Variants in PAX6 observed in about 807,000 individuals in gnomAD.
PAX6 encodes paired box 6.
PAX6 carries 7 observed loss-of-function variants against 60.7 expected under a neutral mutation model. The ratio of observed to expected loss-of-function variants is 0.12; its 90% CI spans 0.07 to 0.22. PAX6 has a LOEUF of 0.22. Among genes scored for constraint, PAX6 ranks in the 10% least tolerant of loss-of-function variants. The pLI, the probability that PAX6 is intolerant of heterozygous loss-of-function variation, is 1.00. For missense variants in PAX6, 355 were observed against 555.2 expected, an observed-to-expected ratio of 0.64 and a Z score of 3.62; for synonymous variants, 208 against 201.2, an observed-to-expected ratio of 1.03 and a Z score of -0.29.
chr11:31,790,660 C>G (rs1407443114), intron 13 of PAX6, 50 bp downstream of exon 13: 2 of 1,612,582 alleles, frequency 1.2e-6, no homozygotes, highest in Non-Finnish European at 1.7e-6. Context: ...GGGTAAACTT[C>G]TAGTGAAGAG....
intron 7 of PAX6, 129 bp from the exon 8 acceptor site, chr11:31,800,985 G>T (rs541644801): frequency 3.1e-5 from 30 of 976,238 alleles, no homozygotes; most frequent in Non-Finnish European, 4.6e-5. Flanking sequence ...CCCCGGGACA[G>T]TGGGTGGATT....
upstream of PAX6, chr11:31,813,158 G>A (rs1957204046): frequency 6.6e-6 from 1 of 152,142 alleles, no homozygotes; most frequent in Admixed American, 6.5e-5. Context: ...CTGGGTCAGA[G>A]GTGAAGGAGG....
chr11:31,799,754 G>C (rs1206558951), intron 8 of PAX6, among the ~76,000 whole-genome samples: 2 of 152,148 alleles, frequency 1.3e-5, no homozygotes, highest in African/African-American at 4.8e-5. Context: ...CCCGCGCGCC[G>C]CCCCTGGCCC....
chr11:31,801,604 C>A lies in PAX6; in HGVS notation c.356G>T (p.Arg119Ile), dbSNP rs746448834. ...PSIFAWEIRD[R>I]LLSEGVCTND... ...GGTACAGACCCCCTCGGACAGTAATCTGTCTCGGATTTCCCAAGCAAAGAT... is the reference window on the plus strand; with the variant it reads ...GGTACAGACCCCCTCGGACAGTAATATGTCTCGGATTTCCCAAGCAAAGAT... The change falls in exon 7 of 14, where the codon AGA becomes ATA. Residue 119 changes from arginine to isoleucine, a missense_variant. Transcript: ENST00000640368. 6.2e-7 allele frequency: 1 copy of A among 1,614,122 alleles called. No homozygotes were observed. Among genetic ancestry groups the A allele is most frequent in the South Asian group, 1.1e-5 (1 of 91,076 alleles).
intron 8 of PAX6, among the ~76,000 whole-genome samples, chr11:31,797,374 T>TTC (rs150040461): frequency 0.027 from 4,079 of 152,246 alleles, 163 homozygotes; most frequent in African/African-American, 0.093. Flanking sequence ...CTTATCCATG[T>TTC]TCTGTCTCAC....
chr11:31,795,960 G>C (rs1476901693), intron 8 of PAX6, among the ~76,000 whole-genome samples: 3 of 152,258 alleles, frequency 2.0e-5, no homozygotes, highest in African/African-American at 7.2e-5. Flanking sequence ...CCCTAGGAGC[G>C]CCTTGGTGGG....
upstream of PAX6, chr11:31,816,302 C>A (rs1957370872): frequency 4.3e-6 from 2 of 466,536 alleles, no homozygotes; most frequent in Admixed American, 3.8e-5. Context: ...CATCCAAATT[C>A]TATGAGAGGG....
intron 13 of PAX6, chr11:31,790,281 G>C: frequency 1.8e-6 from 1 of 555,066 alleles, no homozygotes; most frequent in Non-Finnish European, 2.8e-6. Flanking sequence ...TCCTCTGTTT[G>C]TTTGCATGTT....
chr11:31,814,224 G>C (rs1421964293), upstream of PAX6: 2 of 152,286 alleles, frequency 1.3e-5, no homozygotes, highest in Non-Finnish European at 2.9e-5. Context: ...ACCCGGTAGC[G>C]GGGCTGTCTG....
At position 31,802,853 on chromosome 11, in the gene PAX6, G is replaced by A. The variant is rs1171390064; in HGVS notation, c.11-19C>T. ...CTGTGACCTGAGGAAAGGGAGAGGA[G>A]AGGAAAGGGGAAAAGAAGAGAAGAG... is the stretch of plus-strand genomic sequence containing the variant. On this transcript the variant is annotated intron_variant, in intron 4 of 13. Transcript: ENST00000640368. 8 of 1,612,564 alleles carry A rather than the reference G, an allele frequency of 5.0e-6. No homozygotes were observed. The African/African-American group carries it at 9.4e-5, about 19-fold the overall frequency.
intron 5 of PAX6, chr11:31,802,358 T>A (rs1954282165): frequency 3.1e-6 from 1 of 326,062 alleles, no homozygotes; most frequent in East Asian, 6.8e-5. Flanking sequence ...AATGAAATTA[T>A]GCCGGTTTAT....
upstream of PAX6, chr11:31,814,181 G>T (rs1957263826): frequency 1.3e-5 from 2 of 152,172 alleles, no homozygotes; most frequent in South Asian, 4.1e-4. Flanking sequence ...AGGCCGGCGG[G>T]TGCGTTCCCG....
intron 2 of PAX6, chr11:31,810,162 T>A (rs1956747929): frequency 6.6e-6 from 1 of 152,378 alleles, no homozygotes; most frequent in Non-Finnish European, 1.5e-5. Context: ...CTCTTCCCTC[T>A]ACCTCCAGCG....
intron 4 of PAX6, 109 bp from the exon 5 acceptor site, chr11:31,802,943 A>G: frequency 9.3e-7 from 1 of 1,078,300 alleles, no homozygotes; most frequent in Non-Finnish European, 1.4e-6. Flanking sequence ...CAAGAACAGA[A>G]AGGAGAGGAG....
chr11:31,793,218 T>G, intron 12 of PAX6: 1 of 690,438 alleles, frequency 1.4e-6, no homozygotes. Context: ...CTGACAAAAC[T>G]GGACAGATTT....
intron 9 of PAX6, 85 bp downstream of exon 9, chr11:31,794,545 G>A: frequency 1.5e-6 from 2 of 1,344,766 alleles, no homozygotes; most frequent in Non-Finnish European, 2.1e-6. Context: ...CTATGCAAAG[G>A]GCCCTGGCTA....
intron 8 of PAX6, among the ~76,000 whole-genome samples, chr11:31,800,043 G>A (rs1226076767): frequency 6.7e-6 from 1 of 150,076 alleles, no homozygotes; most frequent in Non-Finnish European, 1.5e-5. Context: ...AGACCAGAGC[G>A]GCTCCCGGCA....
At chr11:31,792,508 T>C (rs1950242363) in intron 12 of PAX6, 1 of 152,276 alleles carries the variant, frequency 6.6e-6, no homozygotes, top group Non-Finnish European at 1.5e-5. Context: ...CAGAACTGTT[T>C]CCAGCAGAGG....
At position 31,810,955 on chromosome 11, in the gene PAX6, C is replaced by T; in HGVS notation, c.-256G>A. On this transcript the variant is annotated 5_prime_UTR_variant, in exon 2 of 14. Coordinates refer to ENST00000640368, the MANE Select transcript of PAX6 (RefSeq NM_001368894.2). ...AAATGACGGTGTTTTAAAGGAGTTG[C>T]TGGTGAGAGTTTTCTCCACGGATGT... 1 of 399,226 alleles carries T rather than the reference C, an allele frequency of 2.5e-6. No individual in the cohort carries two copies. The highest frequency in any genetic ancestry group is 4.4e-6 in the Non-Finnish European group (1 of 226,120). 24.7% of individuals were successfully genotyped at this position (399,226 alleles called of 1,614,324 possible).
Sources: gnomAD v4.1 joint callset for allele counts (sites outside exome capture counted in the v4.1 genomes callset) on GRCh38, gnomAD v4.1.1 for gene constraint, MANE v1.5 for transcripts, NCBI Gene and HGNC (gene_info 2026-07-23, HGNC 2026-07-21) for gene names.